The following GREB1 variants were observed in gnomAD, a reference collection of about 807,000 sequenced individuals.
GREB1 encodes the protein growth regulating estrogen receptor binding 1.
A neutral mutation model predicts 200.7 loss-of-function variants in GREB1; 106 were observed. The observed-to-expected ratio is 0.53, with a 90% CI of 0.45 to 0.62. The LOEUF is 0.62. GREB1 is among the 20% of genes least tolerant of loss of function. GREB1 has a pLI of 0.00. For synonymous variants in GREB1, 1,132 were observed against 1,092.4 expected (o/e 1.04, Z -0.72); for missense variants, 2,243 against 2,556.8 (o/e 0.88, Z 2.65).
intron 23 of GREB1, among the ~76,000 whole-genome samples, chr2:11,624,341 CTT>C (rs70955810): frequency 0.46 from 50,047 of 109,978 alleles, 9,616 homozygotes; most frequent in Middle Eastern, 0.54. Flanking sequence ...TACACAAATT[CTT>C]TTTTTTTTTT....
Position 11,633,136 on chromosome 2 carries a change from G to A in GREB1, c.4991+73G>A, listed in dbSNP as rs2148431037. ...CCAACGAGTGTGCCCTCTTTGTATG[G>A]GGAATGTGCCCACCCCTGGAAGACC... On this transcript the variant is annotated intron_variant, in intron 28 of 32. Transcript: ENST00000381486. This position sits in a 1 kb window ranked among gnomAD's most constrained non-coding sequence, Gnocchi z 4.1. 2.0e-6 allele frequency: 3 copies of A among 1,463,432 alleles called. No individual in the cohort carries two copies. Among genetic ancestry groups the A allele is most frequent in the Non-Finnish European group, 2.9e-6 (3 of 1,050,768 alleles). The allele number at this position is 1,463,432 out of a possible 1,614,324, so 90.7% of individuals were successfully genotyped here. A position where few individuals can be genotyped will look rare whatever the true frequency, so the allele number is the denominator to read the frequency against.
chr2:11,576,623 C>G, intron 5 of GREB1, 88 bp downstream of exon 5: 1 of 956,940 alleles, frequency 1.0e-6, no homozygotes, highest in East Asian at 2.4e-5. Flanking sequence ...GGGGAGAGGC[C>G]CCTGCATAGC....
chr2:11,550,327 A>T (rs1489371461), intron 1 of GREB1, among the ~76,000 whole-genome samples: 1 of 152,222 alleles, frequency 6.6e-6, no homozygotes, highest in South Asian at 2.1e-4. Flanking sequence ...CCAATTTTCA[A>T]TATCTGTCCA....
chr2:11,554,262 C>A (rs1055674279), intron 1 of GREB1, among the ~76,000 whole-genome samples: 3 of 152,170 alleles, frequency 2.0e-5, no homozygotes, highest in Non-Finnish European at 4.4e-5. Context: ...AGGCTATAAG[C>A]AGAGGCTGAC....
At chr2:11,562,335 C>T (rs1677146603) in intron 2 of GREB1, 128 bp from the exon 3 acceptor site, 1 of 1,188,430 alleles carries the variant, frequency 8.4e-7, no homozygotes, top group African/African-American at 1.6e-5. Flanking sequence ...GGGTGGAACC[C>T]ATTCTGGATT....
rs1683719479 is a variant in GREB1 at position 11,618,596 on chromosome 2, G to A, written c.3721G>A (p.Val1241Ile). 6.2e-7 allele frequency: 1 copy of A among 1,613,144 alleles called. No homozygotes were observed. The highest frequency in any genetic ancestry group is 8.5e-7 in the Non-Finnish European group (1 of 1,179,908). The stretch of plus-strand genomic sequence containing the variant: ...CGTGGCGCCCGCTGCCGGCACGTGG[G>A]TCCTGCAGGCCTCCCAGTGCTCCTT... ...SSVAPAAGTW[V>I]LQASQCSLTK... The change falls in exon 22 of 33, where the codon GTC becomes ATC. Residue 1241 changes from valine to isoleucine, a missense_variant. By Grantham distance (29) the Val-to-Ile change is conservative. This residue lies in a region of GREB1 where 587 missense variants were observed against 553.1 expected (regional missense o/e 1.06). Coordinates refer to ENST00000381486, the MANE Select transcript of GREB1 (RefSeq NM_014668.4).
At chr2:11,589,548 G>T (rs935634954) in intron 10 of GREB1, among the ~76,000 whole-genome samples, 1 of 152,224 alleles carries the variant, frequency 6.6e-6, no homozygotes, top group Admixed American at 6.5e-5. Flanking sequence ...CCGGTCAAGG[G>T]TGTGATTCTA....
intron 15 of GREB1, among the ~76,000 whole-genome samples, chr2:11,599,371 A>ACTT (rs1390164749): frequency 2.3e-5 from 3 of 131,990 alleles, no homozygotes; most frequent in Non-Finnish European, 3.2e-5. Context: ...ACGGAGTCTC[A>ACTT]CTCTGTCGCC....
Position 11,618,890 on chromosome 2 carries a change from C to T in GREB1, c.4015C>T (p.Arg1339Cys), listed in dbSNP as rs1173111363. The T allele has an allele frequency of 8.4e-6, 13 of 1,552,188 alleles. No individual in the cohort carries two copies. The highest frequency in any genetic ancestry group is 2.3e-5 in the East Asian group (1 of 43,914). Residue 1339 changes from arginine (R) to cysteine (C), a missense_variant, in exon 22 of 33, where the codon CGC (arginine) becomes TGC (cysteine). Physicochemically the swap from Arg to Cys is radical, Grantham distance 180 (BLOSUM62 -3). Coordinates refer to ENST00000381486, the MANE Select transcript of GREB1 (RefSeq NM_014668.4). Reference protein sequence around the residue: ...AEGRVDGFHPRRLLLSGPPQI... With the variant: ...AEGRVDGFHPCRLLLSGPPQI... ...GGGCCGCGTGGACGGCTTCCACCCC[C>T]GCAGGCTGCTGCTCAGCGGCCCCCC...
At chr2:11,553,153 C>T (rs1042850467) in intron 1 of GREB1, among the ~76,000 whole-genome samples, 15 of 151,888 alleles carry the variant, frequency 9.9e-5, no homozygotes, top group Admixed American at 8.5e-4. Flanking sequence ...TCACTATTTG[C>T]TTACAGACAT....
At chr2:11,572,408 G>C (rs1308224738) in intron 4 of GREB1, among the ~76,000 whole-genome samples, 1 of 152,170 alleles carries the variant, frequency 6.6e-6, no homozygotes, top group East Asian at 1.9e-4. Context: ...GTAAACCTGG[G>C]CCATCTCCAG....
rs1685020291 is a variant in GREB1, at chr2:11,633,114, A to T, written c.4991+51A>T. Reference sequence around the variant, plus strand: ...CCTGCCACCCTACGAATGATGACCAACGAGTGTGCCCTCTTTGTATGGGGA... The same window carrying T: ...CCTGCCACCCTACGAATGATGACCATCGAGTGTGCCCTCTTTGTATGGGGA... On this transcript the variant is annotated intron_variant, in intron 28 of 32. Coordinates refer to ENST00000381486, the MANE Select transcript of GREB1 (RefSeq NM_014668.4). This position sits in a 1 kb window ranked among gnomAD's most constrained non-coding sequence, Gnocchi z 4.1. 1.9e-6 allele frequency: 3 copies of T among 1,571,182 alleles called. No individual in the cohort carries two copies. In the East Asian group the frequency reaches 6.7e-5, roughly 35 times the overall value.
rs913593612 is a variant in GREB1 at position 11,634,460 on chromosome 2, C to T, written c.5210+111C>T. 31 of 755,060 alleles carry T rather than the reference C, an allele frequency of 4.1e-5. No homozygotes were observed. The Admixed American group carries it at 4.7e-4, about 11-fold the overall frequency. The allele number at this position is 755,060 out of a possible 1,614,324, so 46.8% of individuals were successfully genotyped here. On this transcript the variant is annotated intron_variant, in intron 29 of 32. Transcript: ENST00000381486. Reference sequence around the variant, plus strand: ...TCCTGGCTGTGAGCACTGACCTGGCCTTGCTCTCCGTTGTCCCAGTTTTTT... The same window carrying T: ...TCCTGGCTGTGAGCACTGACCTGGCTTTGCTCTCCGTTGTCCCAGTTTTTT...
intron 13 of GREB1, among the ~76,000 whole-genome samples, chr2:11,596,730 G>A (rs1445488804): frequency 8.8e-6 from 1 of 114,284 alleles, no homozygotes; most frequent in Non-Finnish European, 1.8e-5. Flanking sequence ...GTAGGGCACT[G>A]GTTTGTACAG....
intron 1 of GREB1, among the ~76,000 whole-genome samples, chr2:11,554,005 G>A (rs191905789): frequency 5.9e-5 from 9 of 152,232 alleles, no homozygotes; most frequent in Middle Eastern, 6.8e-3. Context: ...GATGTTATTC[G>A]TTGGTGGCAG....
At chr2:11,535,754 G>A (rs958171297) in intron 1 of GREB1, among the ~76,000 whole-genome samples, 1 of 152,132 alleles carries the variant, frequency 6.6e-6, no homozygotes, top group South Asian at 2.1e-4. Flanking sequence ...GTTTTCACGA[G>A]TATAGAAAAA....
intron 27 of GREB1, among the ~76,000 whole-genome samples, chr2:11,632,563 C>T (rs560901934): frequency 1.3e-5 from 2 of 152,256 alleles, no homozygotes; most frequent in East Asian, 1.9e-4. Context: ...GTCTTAAACT[C>T]CTGACCTCAG....
At chr2:11,562,765 CT>C in intron 3 of GREB1, 183 bp downstream of exon 3, 16 of 545,806 alleles carry the variant, frequency 2.9e-5, no homozygotes, top group South Asian at 1.8e-4. Context: ...GCCTGCCCTC[CT>C]GAAACAGGAG....
At chr2:11,489,537 A>G (rs1672734463) in intron 1 of GREB1, among the ~76,000 whole-genome samples, 11 of 152,248 alleles carry the variant, frequency 7.2e-5, no homozygotes, top group Admixed American at 7.2e-4. Context: ...CATTGAGACA[A>G]AAGATCATTT....
Sources: gnomAD v4.1 joint callset for allele counts (sites outside exome capture counted in the v4.1 genomes callset) on GRCh38, gnomAD v4.1.1 for gene constraint, gnomAD v4.1.1 regional missense constraint, Gnocchi (gnomAD v3.1) non-coding constraint, MANE v1.5 for transcripts, NCBI Gene and HGNC (gene_info 2026-07-23, HGNC 2026-07-21) for gene names.